The following PGS1 variants were observed in gnomAD, a reference collection of about 807,000 sequenced individuals.
The protein encoded by PGS1 is phosphatidylglycerophosphate synthase 1.
A neutral mutation model predicts 58.3 loss-of-function variants in PGS1; 44 were observed. The ratio of observed to expected loss-of-function variants is 0.75; its 90% CI spans 0.59 to 0.97. PGS1 has a LOEUF of 0.97. PGS1 is among the 50% of genes least tolerant of loss of function. The probability of loss-of-function intolerance (pLI) is 0.00; values close to 1 mark genes in which losing one functional copy is unlikely to be tolerated. For missense variants in PGS1, 684 were observed against 731.1 expected, an observed-to-expected ratio of 0.94 and a Z score of 0.74; for synonymous variants, 330 against 311.0, an observed-to-expected ratio of 1.06 and a Z score of -0.64.
chr17:78,415,843 A>C (rs1443695184), intron 8 of PGS1, among the ~76,000 whole-genome samples: 1 of 152,176 alleles, frequency 6.6e-6, no homozygotes, highest in East Asian at 1.9e-4. Context: ...TGGGCTCATG[A>C]ATTCGTGACC....
At chr17:78,422,648 C>G (rs1221678721) in intron 9 of PGS1, among the ~76,000 whole-genome samples, 1 of 150,836 alleles carries the variant, frequency 6.6e-6, no homozygotes, top group African/African-American at 2.4e-5. Flanking sequence ...CAGGCACATA[C>G]AACATTCCCA....
At chr17:78,399,617 C>G in intron 5 of PGS1, 80 bp downstream of exon 5, 1 of 1,421,402 alleles carries the variant, frequency 7.0e-7, no homozygotes, top group Non-Finnish European at 9.8e-7. Context: ...AGTGGGAAAC[C>G]CGTTCCCCTC....
rs528958257 is a variant in PGS1 at position 78,423,455 on chromosome 17, C to T, written c.*11-606C>T. 4.1e-4 allele frequency among the ~76,000 whole-genome samples: 62 copies of T among 152,260 alleles called. No homozygotes were observed. The East Asian group carries it at 5.0e-3, about 12-fold the overall frequency. On this transcript the variant is annotated intron_variant, in intron 9 of 9. Coordinates refer to ENST00000262764, the MANE Select transcript of PGS1 (RefSeq NM_024419.5). ...GGCGGCAGCTCCTGGTATGGGGTAA[C>T]GCCCTGTCCCCTCATTGGCAGGTGG...
At chr17:78,406,515 A>C (rs1264078857) in intron 7 of PGS1, among the ~76,000 whole-genome samples, 1 of 152,194 alleles carries the variant, frequency 6.6e-6, no homozygotes, top group East Asian at 1.9e-4. Flanking sequence ...TTTGAGGCCC[A>C]CAGGCCTGTC....
intron 7 of PGS1, among the ~76,000 whole-genome samples, chr17:78,412,494 C>T (rs371142497): frequency 2.0e-5 from 3 of 152,176 alleles, no homozygotes; most frequent in Non-Finnish European, 2.9e-5. Flanking sequence ...AGCGGTTGTG[C>T]GTATGATGAA....
intron 1 of PGS1, among the ~76,000 whole-genome samples, chr17:78,387,037 GTC>G (rs1027714988): frequency 5.9e-5 from 9 of 152,096 alleles, no homozygotes; most frequent in Non-Finnish European, 1.3e-4. Context: ...TTGAGACACA[GTC>G]TCTCTCCATC....
chr17:78,394,940 T>C (rs2083115777), intron 2 of PGS1, among the ~76,000 whole-genome samples: 1 of 152,214 alleles, frequency 6.6e-6, no homozygotes, highest in Admixed American at 6.5e-5. Context: ...AGTGATCCCC[T>C]GGCCAGGAGG....
Position 78,400,268 on chromosome 17 carries a change from C to A in PGS1, c.702-409C>A, listed in dbSNP as rs1341292134. Among the ~76,000 whole-genome samples the A allele has an allele frequency of 1.3e-5, 2 of 152,058 alleles. No individual in the cohort carries two copies. The highest frequency in any genetic ancestry group is 2.9e-5 in the Non-Finnish European group (2 of 68,012). ...GGTGTGGTGGCACACACCTGTAATCCCAGCTACTCGGGAGGCTGAGGCAGG... is the reference window on the plus strand; with the variant it reads ...GGTGTGGTGGCACACACCTGTAATCACAGCTACTCGGGAGGCTGAGGCAGG... On this transcript the variant is annotated intron_variant, in intron 5 of 9. Coordinates refer to ENST00000262764, the MANE Select transcript of PGS1 (RefSeq NM_024419.5). This position sits in a 1 kb window ranked among gnomAD's most constrained non-coding sequence, Gnocchi z 4.4.
intron 3 of PGS1, among the ~76,000 whole-genome samples, chr17:78,397,615 A>G (rs576951161): frequency 6.7e-6 from 1 of 150,092 alleles, no homozygotes; most frequent in East Asian, 2.1e-4. Context: ...TTGTATTTTT[A>G]GTAGAGACGG....
At chr17:78,380,537 A>AT (rs1297227669) in intron 1 of PGS1, among the ~76,000 whole-genome samples, 1 of 152,124 alleles carries the variant, frequency 6.6e-6, no homozygotes, top group African/African-American at 2.4e-5. Flanking sequence ...TGGCCTCTGC[A>AT]TTTTTTGCAT....
chr17:78,419,744 C>G, intron 9 of PGS1, 69 bp downstream of exon 9: 11 of 1,594,850 alleles, frequency 6.9e-6, no homozygotes, highest in Non-Finnish European at 9.4e-6. Context: ...GGTGGTTGTT[C>G]TGACTCAACC....
chr17:78,388,091 T>C (rs1173035171), intron 1 of PGS1, among the ~76,000 whole-genome samples: 1 of 152,186 alleles, frequency 6.6e-6, no homozygotes, highest in Non-Finnish European at 1.5e-5. Flanking sequence ...CTCCTTTTCC[T>C]CTCTAACAAA....
At chr17:78,414,430 C>T (rs2084995183) in intron 7 of PGS1, among the ~76,000 whole-genome samples, 2 of 152,192 alleles carry the variant, frequency 1.3e-5, no homozygotes, top group Admixed American at 1.3e-4. Flanking sequence ...CCAGTGCAGG[C>T]TCTGAGCTTA....
chr17:78,420,337 GTC>G, intron 9 of PGS1: 1 of 588,106 alleles, frequency 1.7e-6, no homozygotes, highest in Non-Finnish European at 2.1e-6. Flanking sequence ...CCCCTGGACT[GTC>G]TTGACGCCTA....
At chr17:78,419,945 C>T in intron 9 of PGS1, 1 of 1,206,968 alleles carries the variant, frequency 8.3e-7, no homozygotes, top group Non-Finnish European at 1.0e-6. Context: ...CCTGTAGTCC[C>T]CTTCTGCTCT....
chr17:78,381,636 A>G (rs1293446831), intron 1 of PGS1, among the ~76,000 whole-genome samples: 1 of 152,122 alleles, frequency 6.6e-6, no homozygotes, highest in East Asian at 1.9e-4. Context: ...TGATTCATTG[A>G]TAATAGTTCT....
At chr17:78,423,089 ACT>A (rs141648499) in intron 9 of PGS1, among the ~76,000 whole-genome samples, 23,389 of 139,726 alleles carry the variant, frequency 0.17, 1,943 homozygotes, top group Middle Eastern at 0.21. Context: ...CAAGAGTGAA[ACT>A]CTCACTCTCC....
At chr17:78,423,786 A>ATTAT in intron 9 of PGS1, 2 of 1,331,790 alleles carry the variant, frequency 1.5e-6, no homozygotes, top group East Asian at 4.6e-5. Context: ...AAAGCACCTG[A>ATTAT]TTATTTAAGA....
chr17:78,401,596 G>T (rs996694505), intron 6 of PGS1, among the ~76,000 whole-genome samples: 4 of 152,194 alleles, frequency 2.6e-5, no homozygotes, highest in African/African-American at 9.7e-5. Flanking sequence ...GAACTTGTTG[G>T]GAGAAGAGCT....
Sources: allele counts gnomAD v4.1 joint callset (sites outside exome capture counted in the v4.1 genomes callset), GRCh38; gene constraint gnomAD v4.1.1; non-coding constraint Gnocchi (gnomAD v3.1); transcripts MANE v1.5; gene names NCBI Gene and HGNC (gene_info 2026-07-23, HGNC 2026-07-21).